OSBPL3: variants seen among roughly 807,000 people sequenced by gnomAD.
OSBPL3 encodes oxysterol-binding protein-related protein 3.
A neutral mutation model predicts 120.1 loss-of-function variants in OSBPL3; 65 were observed. The ratio of observed to expected loss-of-function variants is 0.54; its 90% CI spans 0.44 to 0.67. The LOEUF (loss-of-function observed/expected upper bound fraction) is 0.67. Among genes scored for constraint, OSBPL3 ranks in the 30% least tolerant of loss-of-function variants. The pLI is 0.00. For missense variants in OSBPL3, 1,004 were observed against 1,082.1 expected, an observed-to-expected ratio of 0.93 and a Z score of 1.01; for synonymous variants, 416 against 402.6, an observed-to-expected ratio of 1.03 and a Z score of -0.40.
rs187009883 is a variant in OSBPL3, at chr7:24,960,964, G to C, written c.-150+18922C>G. Reference sequence around the variant, plus strand: ...CTAATAAGCAGTGAAATTTGCAAAAGGCAGGTAGCAACAAGGAAAACCAGC... The same window carrying C: ...CTAATAAGCAGTGAAATTTGCAAAACGCAGGTAGCAACAAGGAAAACCAGC... On this transcript the variant is annotated intron_variant, in intron 1 of 22. Coordinates refer to ENST00000313367, the MANE Select transcript of OSBPL3 (RefSeq NM_015550.4). Among the ~76,000 whole-genome samples, 218 of 152,202 alleles carry C rather than the reference G, an allele frequency of 1.4e-3. 1 individual carries two copies. Among genetic ancestry groups the C allele is most frequent in the African/African-American group, 5.2e-3 (215 of 41,524 alleles).
chr7:24,849,816 A>C lies in OSBPL3; in HGVS notation c.1159-640T>G, dbSNP rs1390378498. ...CAAAAAATGCAAAAATTAGTTGGGC[A>C]TGGTGGCACACACCTGTAGTCCCAG... On this transcript the variant is annotated intron_variant, in intron 11 of 22. Coordinates refer to ENST00000313367, the MANE Select transcript of OSBPL3 (RefSeq NM_015550.4). The surrounding 1 kb of genome is among the most constrained non-coding windows in gnomAD (Gnocchi z 5.4). 6.6e-6 allele frequency among the ~76,000 whole-genome samples: 1 copy of C among 152,018 alleles called. No individual in the cohort carries two copies. The highest frequency in any genetic ancestry group is 1.5e-5 in the Non-Finnish European group (1 of 67,980).
rs1301965058 is a variant in OSBPL3, at chr7:24,818,467, A to G, written c.1948+1708T>C. 6.6e-6 allele frequency among the ~76,000 whole-genome samples: 1 copy of G among 152,230 alleles called. No individual in the cohort carries two copies. The highest frequency in any genetic ancestry group is 2.4e-5 in the African/African-American group (1 of 41,464). On this transcript the variant is annotated intron_variant, in intron 17 of 22. Coordinates refer to ENST00000313367, the MANE Select transcript of OSBPL3 (RefSeq NM_015550.4). The surrounding 1 kb of genome is among the most constrained non-coding windows in gnomAD (Gnocchi z 4.0). ...GAGGTTGGGAAGGGAAAATGGAAGT[A>G]TACTTCTGTAAATCTCACTATATGA...
At chr7:24,925,529 C>T (rs141688911) in intron 1 of OSBPL3, among the ~76,000 whole-genome samples, 11 of 152,310 alleles carry the variant, frequency 7.2e-5, no homozygotes, top group Middle Eastern at 3.4e-3. Context: ...TGAGGCAAGA[C>T]GCACTAAAAT....
At chr7:24,944,448 G>C (rs532926966) in intron 1 of OSBPL3, among the ~76,000 whole-genome samples, 1 of 152,004 alleles carries the variant, frequency 6.6e-6, no homozygotes, top group African/African-American at 2.4e-5. Flanking sequence ...CCAACATGGC[G>C]AAACCCCGTC....
rs1433146738 is a variant in OSBPL3 at position 24,835,958 on chromosome 7, A to G, written c.1496-1222T>C. Reference sequence around the variant, plus strand: ...GGTAGTGGGTGAGGATCAAAAACCTACCTATTTGGTGCTATGCTTATTACC... The same window carrying G: ...GGTAGTGGGTGAGGATCAAAAACCTGCCTATTTGGTGCTATGCTTATTACC... On this transcript the variant is annotated intron_variant, in intron 14 of 22. Coordinates refer to ENST00000313367, the MANE Select transcript of OSBPL3 (RefSeq NM_015550.4). The surrounding 1 kb of genome is among the most constrained non-coding windows in gnomAD (Gnocchi z 4.8). Among the ~76,000 whole-genome samples the G allele has an allele frequency of 6.6e-6, 1 of 151,948 alleles. No homozygotes were observed. Among genetic ancestry groups the G allele is most frequent in the Non-Finnish European group, 1.5e-5 (1 of 67,966 alleles).
intron 10 of OSBPL3, among the ~76,000 whole-genome samples, chr7:24,860,305 T>C (rs1800347814): frequency 1.3e-5 from 2 of 152,188 alleles, no homozygotes; most frequent in Admixed American, 1.3e-4. Flanking sequence ...AGTGGAACCC[T>C]ACAGATATGG....
chr7:24,829,543 G>A (rs750271802), intron 16 of OSBPL3, among the ~76,000 whole-genome samples: 5 of 152,204 alleles, frequency 3.3e-5, no homozygotes, highest in Admixed American at 6.5e-5. Flanking sequence ...GATAAAGAGA[G>A]CAGCAAGATA....
At chr7:24,961,868 G>C (rs533530763) in intron 1 of OSBPL3, among the ~76,000 whole-genome samples, 1 of 152,268 alleles carries the variant, frequency 6.6e-6, no homozygotes, top group South Asian at 2.1e-4. Flanking sequence ...ATAAACAAAT[G>C]CATGGATAGC....
chr7:24,894,578 G>C lies in OSBPL3; in HGVS notation c.-149-1957C>G, dbSNP rs1404171727. 6.6e-6 allele frequency among the ~76,000 whole-genome samples: 1 copy of C among 152,144 alleles called. No homozygotes were observed. The highest frequency in any genetic ancestry group is 6.6e-5 in the Admixed American group (1 of 15,266). On this transcript the variant is annotated intron_variant, in intron 1 of 22. Transcript: ENST00000313367. This position sits in a 1 kb window ranked among gnomAD's most constrained non-coding sequence, Gnocchi z 4.1. ...TGTGTCTGTGCTTGGGGCGGGGAGG[G>C]GGCATCCACTGCTATGGCAACAGAT...
intron 13 of OSBPL3, 39 bp from the exon 14 acceptor site, chr7:24,840,822 TA>T: frequency 1.1e-6 from 1 of 923,286 alleles, no homozygotes; most frequent in South Asian, 1.5e-5. Flanking sequence ...AGAGTTAGAA[TA>T]AACAAGAGCC....
At chr7:24,857,946 T>C (rs2128240226) in intron 10 of OSBPL3, among the ~76,000 whole-genome samples, 1 of 152,354 alleles carries the variant, frequency 6.6e-6, no homozygotes, top group South Asian at 2.1e-4. Context: ...ATGGGTAAAG[T>C]GTTCCATAAA....
Position 24,939,875 on chromosome 7 carries a change from T to C in OSBPL3, c.-150+40011A>G, listed in dbSNP as rs1048582244. Among the ~76,000 whole-genome samples the C allele has an allele frequency of 6.6e-6, 1 of 152,070 alleles. No individual in the cohort carries two copies. Among genetic ancestry groups the C allele is most frequent in the African/African-American group, 2.4e-5 (1 of 41,394 alleles). ...AGAGGAGGGAGAGCATTAGGACAAA[T>C]ATCTAATGCATGCAGGTCTTAAAAC... is the stretch of plus-strand genomic sequence containing the variant. On this transcript the variant is annotated intron_variant, in intron 1 of 22. Coordinates refer to ENST00000313367, the MANE Select transcript of OSBPL3 (RefSeq NM_015550.4). The surrounding 1 kb of genome is among the most constrained non-coding windows in gnomAD (Gnocchi z 4.2).
chr7:24,975,819 G>A (rs996992038), intron 1 of OSBPL3, among the ~76,000 whole-genome samples: 9 of 152,198 alleles, frequency 5.9e-5, no homozygotes, highest in Non-Finnish European at 1.3e-4. Flanking sequence ...CTGGGAAATT[G>A]GGTTTAGAGA....
chr7:24,892,253 A>G, intron 2 of OSBPL3, 124 bp downstream of exon 2: 1 of 883,180 alleles, frequency 1.1e-6, no homozygotes, highest in East Asian at 2.7e-5. Context: ...TACAGTCAAG[A>G]GATAACCAAA....
intron 12 of OSBPL3, among the ~76,000 whole-genome samples, chr7:24,846,425 T>C (rs964787314): frequency 2.6e-5 from 4 of 152,228 alleles, no homozygotes; most frequent in Non-Finnish European, 5.9e-5. Context: ...TAGGATTTTG[T>C]GAGGTAATGT....
At position 24,813,477 on chromosome 7, in the gene OSBPL3, G is replaced by C. The variant is rs1794085407; in HGVS notation, c.2172+1582C>G. On this transcript the variant is annotated intron_variant, in intron 19 of 22. Coordinates refer to ENST00000313367, the MANE Select transcript of OSBPL3 (RefSeq NM_015550.4). The surrounding 1 kb of genome is among the most constrained non-coding windows in gnomAD (Gnocchi z 4.5). ...AACGTGGCTTTCACCTGGGTCACGGGTAACATATCCCTGCTTCAGGTTGCC... is the reference window on the plus strand; with the variant it reads ...AACGTGGCTTTCACCTGGGTCACGGCTAACATATCCCTGCTTCAGGTTGCC... 1.3e-5 allele frequency among the ~76,000 whole-genome samples: 2 copies of C among 152,190 alleles called. No homozygotes were observed. Among genetic ancestry groups the C allele is most frequent in the Non-Finnish European group, 2.9e-5 (2 of 68,042 alleles).
chr7:24,881,408 G>A lies in OSBPL3; in HGVS notation c.97-9339C>T. 6.6e-6 allele frequency among the ~76,000 whole-genome samples: 1 copy of A among 152,118 alleles called. No individual in the cohort carries two copies. The highest frequency in any genetic ancestry group is 1.5e-5 in the Non-Finnish European group (1 of 68,022). On this transcript the variant is annotated intron_variant, in intron 2 of 22. Coordinates refer to ENST00000313367, the MANE Select transcript of OSBPL3 (RefSeq NM_015550.4). This position sits in a 1 kb window ranked among gnomAD's most constrained non-coding sequence, Gnocchi z 4.3. Reference sequence around the variant, plus strand: ...TGTAACGGAGCTTCTTTTTAATAGGGGGGTCCCTGCTTAAAGGTCCAAAGC... The same window carrying A: ...TGTAACGGAGCTTCTTTTTAATAGGAGGGTCCCTGCTTAAAGGTCCAAAGC...
intron 16 of OSBPL3, among the ~76,000 whole-genome samples, chr7:24,826,212 T>TC (rs1177553315): frequency 6.6e-6 from 1 of 152,190 alleles, no homozygotes; most frequent in Non-Finnish European, 1.5e-5. Context: ...GGGAAGTCCT[T>TC]CCTCTCTGAA....
rs553642713 is a variant in OSBPL3 at position 24,961,480 on chromosome 7, T to C, written c.-150+18406A>G. On this transcript the variant is annotated intron_variant, in intron 1 of 22. Coordinates refer to ENST00000313367, the MANE Select transcript of OSBPL3 (RefSeq NM_015550.4). The stretch of plus-strand genomic sequence containing the variant: ...GTGATGGTATTCAGAGATGGGGCCT[T>C]TGAGAGGTGATTTAAGAATGGAGCC... Among the ~76,000 whole-genome samples, 6 of 152,250 alleles carry C rather than the reference T, an allele frequency of 3.9e-5. No individual in the cohort carries two copies. In the East Asian group the frequency reaches 9.7e-4, roughly 25 times the overall value.
Sources: allele counts gnomAD v4.1 joint callset (sites outside exome capture counted in the v4.1 genomes callset), GRCh38; gene constraint gnomAD v4.1.1; non-coding constraint Gnocchi (gnomAD v3.1); transcripts MANE v1.5; gene names NCBI Gene and HGNC (gene_info 2026-07-23, HGNC 2026-07-21).